HFM1: variants seen among roughly 807,000 people sequenced by gnomAD.
The protein encoded by HFM1 is helicase for meiosis 1.
In HFM1, 169 loss-of-function variants were observed where a neutral mutation model predicts 192.1. The observed-to-expected ratio is 0.88, with a 90% CI of 0.78 to 1.00. HFM1 has a LOEUF of 1.00. HFM1 is among the 50% of genes least tolerant of loss of function. The probability of loss-of-function intolerance (pLI) is 0.00; values close to 1 mark genes in which losing one functional copy is unlikely to be tolerated. For synonymous variants in HFM1, 525 were observed against 537.8 expected (o/e 0.98, Z 0.33); for missense variants, 1,661 against 1,668.0 (o/e 1.00, Z 0.07).
At chr1:91,392,978 A>T (rs1190031779) in intron 4 of HFM1, among the ~76,000 whole-genome samples, 1 of 152,150 alleles carries the variant, frequency 6.6e-6, no homozygotes, top group Non-Finnish European at 1.5e-5. Flanking sequence ...AGGAGGTGAA[A>T]ATGTTTTAAA....
intron 20 of HFM1, among the ~76,000 whole-genome samples, chr1:91,326,551 T>C (rs1223879579): frequency 1.3e-5 from 2 of 152,126 alleles, no homozygotes; most frequent in African/African-American, 2.4e-5. Context: ...AATAAAGAGC[T>C]TCCTAGACAA....
At chr1:91,297,084 C>T (rs928476437) in intron 30 of HFM1, among the ~76,000 whole-genome samples, 6 of 152,198 alleles carry the variant, frequency 3.9e-5, no homozygotes, top group Non-Finnish European at 7.3e-5. Context: ...AATCGGGTCA[C>T]TCCCACCCTA....
At chr1:91,374,359 A>C (rs1336222183) in intron 13 of HFM1, among the ~76,000 whole-genome samples, 2 of 152,202 alleles carry the variant, frequency 1.3e-5, no homozygotes, top group Admixed American at 1.3e-4. Context: ...TGCCATTTAG[A>C]TTTGCAATCT....
chr1:91,344,893 T>A (rs545128201), intron 19 of HFM1, among the ~76,000 whole-genome samples: 5 of 151,752 alleles, frequency 3.3e-5, no homozygotes, highest in Non-Finnish European at 7.4e-5. Context: ...ACTACAGGCA[T>A]GTACCACCAC....
chr1:91,394,065 T>C, intron 4 of HFM1, 28 bp downstream of exon 4: 1 of 1,211,364 alleles, frequency 8.3e-7, no homozygotes, highest in South Asian at 1.6e-5. Flanking sequence ...ATTCACAGAA[T>C]ATTATTTAGT....
chr1:91,316,960 C>T lies in HFM1; in HGVS notation c.2813-484G>A, dbSNP rs115146977. The stretch of plus-strand genomic sequence containing the variant: ...AATCTACTGCCTAAAACTTCCAATG[C>T]TTTTCCATTGTATTTAGAATGAAGT... On this transcript the variant is annotated intron_variant, in intron 25 of 38. Transcript: ENST00000370425. Among the ~76,000 whole-genome samples the T allele has an allele frequency of 6.7e-3, 1,026 of 152,238 alleles. 13 individuals are homozygous for T. Among genetic ancestry groups the T allele is most frequent in the African/African-American group, 0.024 (985 of 41,534 alleles).
chr1:91,286,134 C>T (rs1322018346), intron 30 of HFM1, among the ~76,000 whole-genome samples: 1 of 152,170 alleles, frequency 6.6e-6, no homozygotes, highest in African/African-American at 2.4e-5. Flanking sequence ...CTACCCACAA[C>T]AGAGAAATAT....
At position 91,348,617 on chromosome 1, in the gene HFM1, C is replaced by G. The variant is rs570820505; in HGVS notation, c.2207-1141G>C. Among the ~76,000 whole-genome samples the G allele has an allele frequency of 5.9e-5, 9 of 152,196 alleles. No homozygotes were observed. The East Asian group carries it at 1.7e-3, about 29-fold the overall frequency. On this transcript the variant is annotated intron_variant, in intron 18 of 38. Coordinates refer to ENST00000370425, the MANE Select transcript of HFM1 (RefSeq NM_001017975.6). ...CATAAGTAAATGGAATATTATTTAG[C>G]TATTACAAAAAAAAGCTTCCAGCCA...
intron 21 of HFM1, among the ~76,000 whole-genome samples, chr1:91,323,976 A>G (rs965414949): frequency 6.6e-6 from 1 of 152,230 alleles, no homozygotes; most frequent in Non-Finnish European, 1.5e-5. Context: ...AATAAAAATG[A>G]ACGGCTTAAA....
At chr1:91,371,628 C>T (rs1472398364) in intron 13 of HFM1, among the ~76,000 whole-genome samples, 1 of 136,030 alleles carries the variant, frequency 7.4e-6, no homozygotes, top group Non-Finnish European at 1.6e-5. Context: ...AGACCTAAAA[C>T]CATAAAAACC....
intron 30 of HFM1, among the ~76,000 whole-genome samples, chr1:91,287,857 G>A (rs377370294): frequency 5.3e-5 from 8 of 152,070 alleles, no homozygotes; most frequent in Non-Finnish European, 1.0e-4. Context: ...CGAGAACTAC[G>A]TGAAGAATGC....
rs1485682633 is a variant in HFM1 at position 91,394,377 on chromosome 1, T to C, written c.210A>G (p.Leu70=). 1 of 1,546,328 alleles carries C rather than the reference T, an allele frequency of 6.5e-7. No homozygotes were observed. Among genetic ancestry groups the C allele is most frequent in the African/African-American group, 1.4e-5 (1 of 73,234 alleles). Residue 70 remains leucine, a synonymous_variant, in exon 4 of 39, where the codon TTA becomes TTG. Coordinates refer to ENST00000370425, the MANE Select transcript of HFM1 (RefSeq NM_001017975.6). ...LLGQEKRPKM[L]TSNLKITNED... is the part of the protein sequence containing the mutation. ...CATTAGTTATCTTTAAATTTGATGT[T>C]AACATTTTTGGCCTCTTTTCCTGAC...
chr1:91,346,776 A>G (rs1435571540), intron 19 of HFM1, among the ~76,000 whole-genome samples: 1 of 152,244 alleles, frequency 6.6e-6, no homozygotes, highest in Non-Finnish European at 1.5e-5. Context: ...AGGTTGGGAT[A>G]CAAAGCCCAT....
At chr1:91,355,363 C>T (rs1196300859) in intron 13 of HFM1, among the ~76,000 whole-genome samples, 1 of 150,752 alleles carries the variant, frequency 6.6e-6, no homozygotes, top group African/African-American at 2.4e-5. Flanking sequence ...CCTTATCTAT[C>T]AATAATAACC....
intron 20 of HFM1, among the ~76,000 whole-genome samples, chr1:91,342,138 A>AG (rs1655430094): frequency 3.2e-5 from 3 of 94,034 alleles, no homozygotes; most frequent in Non-Finnish European, 6.3e-5. Flanking sequence ...ACAATGAAAA[A>AG]AAAAAAAAAA....
At chr1:91,296,162 G>T (rs978386028) in intron 30 of HFM1, among the ~76,000 whole-genome samples, 1 of 152,044 alleles carries the variant, frequency 6.6e-6, no homozygotes, top group African/African-American at 2.4e-5. Flanking sequence ...CTCATGATCC[G>T]CCCACCTTGG....
intron 4 of HFM1, among the ~76,000 whole-genome samples, chr1:91,386,664 CTAAATA>C (rs1662249885): frequency 6.6e-6 from 1 of 152,118 alleles, no homozygotes; most frequent in African/African-American, 2.4e-5. Flanking sequence ...GAAAAAGCCA[CTAAATA>C]TAGTCACAGT....
chr1:91,364,695 C>A (rs553184505), intron 13 of HFM1, among the ~76,000 whole-genome samples: 141 of 139,014 alleles, frequency 1.0e-3, no homozygotes, highest in African/African-American at 3.6e-3. Context: ...TGCAGTGGCA[C>A]GATCTCAGCT....
Position 91,387,005 on chromosome 1 carries a change from A to T in HFM1, c.495-1171T>A, listed in dbSNP as rs1469382285. ...TGCAAAGTTCTAAAAACAAGGAAAC[A>T]CTTTATGACTGTACTGTATTATATT... is the stretch of plus-strand genomic sequence containing the variant. On this transcript the variant is annotated intron_variant, in intron 4 of 38. Transcript: ENST00000370425. 2.0e-5 allele frequency among the ~76,000 whole-genome samples: 3 copies of T among 152,234 alleles called. No individual in the cohort carries two copies. The South Asian group carries it at 6.2e-4, about 32-fold the overall frequency.
Sources: allele counts gnomAD v4.1 joint callset (sites outside exome capture counted in the v4.1 genomes callset), GRCh38; gene constraint gnomAD v4.1.1; transcripts MANE v1.5; gene names NCBI Gene and HGNC (gene_info 2026-07-23, HGNC 2026-07-21).